PGAP6: variants seen among roughly 807,000 people sequenced by gnomAD.
The protein encoded by PGAP6 is post-GPI attachment to proteins 6.
Under a neutral mutation model 68.4 loss-of-function variants are expected in PGAP6, and 62 were observed. That is an observed-to-expected ratio of 0.91 (90% CI 0.74 to 1.12). The LOEUF (loss-of-function observed/expected upper bound fraction) is 1.12. Among genes scored for constraint, PGAP6 ranks in the 50% most tolerant of loss-of-function variants. The pLI is 0.00. For missense variants in PGAP6, 1,188 were observed against 1,068.5 expected (o/e 1.11, Z -1.56); for synonymous variants, 575 against 474.0 (o/e 1.21, Z -2.77).
At chr16:381,608 G>C in intron 1 of PGAP6, 93 bp downstream of exon 1, 2 of 1,021,094 alleles carry the variant, frequency 2.0e-6, no homozygotes, top group African/African-American at 1.7e-5. Context: ...GCCGGCGCCA[G>C]ATGAGCGCAC....
At chr16:376,049 G>A (rs1250778239) in intron 6 of PGAP6, 87 bp downstream of exon 6, 68 of 1,354,142 alleles carry the variant, frequency 5.0e-5, no homozygotes, top group Non-Finnish European at 6.5e-5. Flanking sequence ...CGCCTGTCCC[G>A]TGCCAAGGTA....
chr16:377,571 CCGGAA>C lies in PGAP6; in HGVS notation c.309_313del (p.Ser104ArgfsTer77). 5.1e-6 allele frequency: 8 copies of C among 1,578,506 alleles called. No individual in the cohort carries two copies. Among genetic ancestry groups the C allele is most frequent in the East Asian group, 2.3e-5 (1 of 43,092 alleles). ...CAGCGGGTTGATGACCGGAGGGGCG[CCGGAA>C]CGGAAGTGCCTGGAGACGGGAGAGC... is the stretch of plus-strand genomic sequence containing the variant. On this transcript the variant is annotated frameshift_variant, in exon 3 of 13. Coordinates refer to ENST00000431232, the MANE Select transcript of PGAP6 (RefSeq NM_021259.3). LOFTEE classifies it high-confidence loss of function.
upstream of PGAP6, among the ~76,000 whole-genome samples, chr16:385,436 C>G (rs552757311): frequency 8.7e-5 from 13 of 148,590 alleles, no homozygotes; most frequent in Non-Finnish European, 1.3e-4. Flanking sequence ...CTCAGCCTCC[C>G]GAGTTGCTGG....
Position 376,745 on chromosome 16 carries a change from G to A in PGAP6, c.703C>T (p.Leu235=), listed in dbSNP as rs1297421077. Residue 235 remains leucine (L), a synonymous_variant, in exon 5 of 13, where the codon CTG becomes TTG. Transcript: ENST00000431232. The part of the protein sequence containing the change: ...ELRDCVSNGS[L]GCPVRLTVGP... The stretch of plus-strand genomic sequence containing the variant: ...ACGGTGAGACGCACGGGGCAGCCCA[G>A]GCTCCCATTGGACACGCAGTCCCGC... 1 of 1,611,466 alleles carries A rather than the reference G, an allele frequency of 6.2e-7. No individual in the cohort carries two copies.
upstream of PGAP6, among the ~76,000 whole-genome samples, chr16:383,071 G>A (rs547392408): frequency 6.6e-6 from 1 of 152,104 alleles, no homozygotes; most frequent in Non-Finnish European, 1.5e-5. Context: ...AGCCGAGATC[G>A]CGCCACCGCA....
In PGAP6 at chr16:374,351, G is replaced by GC. The variant is rs763365058; in HGVS notation, c.1624dup (p.Ala542GlyfsTer174). ...CAGCAGTGTGGCCGCCCTCTGCTGG[G>GC]CCACCGTCTGGGCTGTGCTGTTGTC... On this transcript the variant is annotated frameshift_variant, in exon 10 of 13. Coordinates refer to ENST00000431232, the MANE Select transcript of PGAP6 (RefSeq NM_021259.3). LOFTEE classifies it high-confidence loss of function. 1.9e-6 allele frequency: 3 copies of GC among 1,601,380 alleles called. No homozygotes were observed. The Admixed American group carries it at 5.0e-5, about 27-fold the overall frequency.
intron 5 of PGAP6, 21 bp downstream of exon 5, chr16:376,520 CCCT>C: frequency 6.5e-7 from 1 of 1,540,588 alleles, no homozygotes; most frequent in Non-Finnish European, 8.8e-7. Flanking sequence ...GCAGGGCCAT[CCCT>C]CCAGCCCTTG....
intron 11 of PGAP6, among the ~76,000 whole-genome samples, 185 bp downstream of exon 11, chr16:373,820 G>T (rs2054354740): frequency 9.9e-6 from 1 of 101,254 alleles, no homozygotes; most frequent in African/African-American, 4.2e-5. Flanking sequence ...AGGCATTACA[G>T]GTGTGAGCCA....
At chr16:384,716 C>T (rs1050481676), upstream of PGAP6, among the ~76,000 whole-genome samples, 3 of 151,910 alleles carry the variant, frequency 2.0e-5, no homozygotes, top group Admixed American at 6.6e-5. Flanking sequence ...GTTAGCCGGG[C>T]GTGGTGGCAG....
chr16:377,951 C>A, intron 1 of PGAP6, 103 bp from the exon 2 acceptor site: 1 of 1,052,616 alleles, frequency 9.5e-7, no homozygotes, highest in Non-Finnish European at 1.4e-6. Context: ...CCCCCGGGGA[C>A]CCACCTGGAG....
At position 372,667 on chromosome 16, in the gene PGAP6, T is replaced by C; in HGVS notation, c.1963A>G (p.Met655Val). The C allele has an allele frequency of 1.9e-6, 3 of 1,612,526 alleles. No homozygotes were observed. Among genetic ancestry groups the C allele is most frequent in the Non-Finnish European group, 8.5e-7 (1 of 1,179,876 alleles). ...AGGCAGGGCCCCAGCATGTTCCACA[T>C]GCCCCTGCGGTCCAGCTGCAAGGAC... ...AMSLQLDRRG[M>V]WNMLGPCLFA... The change falls in exon 12 of 13, where the codon ATG (methionine) becomes GTG (valine). Residue 655 changes from methionine (M) to valine (V), a missense_variant. Physicochemically the swap from Met to Val is conservative, Grantham distance 21 (BLOSUM62 1). Transcript: ENST00000431232.
Position 375,406 on chromosome 16 carries a change from C to T in PGAP6, c.1254G>A (p.Val418=). 6.2e-7 allele frequency: 1 copy of T among 1,612,828 alleles called. No homozygotes were observed. The highest frequency in any genetic ancestry group is 8.5e-7 in the Non-Finnish European group (1 of 1,179,980). ...KTEMRNETVV[V]ACVNAASPFL... is the part of the protein sequence containing the mutation. ...AGGGCGAGGCAGCATTCACGCAGGC[C>T]ACTACGACGGTCTCGTTCCGCATCT... is the stretch of plus-strand genomic sequence containing the variant. The change falls in exon 7 of 13, where the codon GTG becomes GTA. Residue 418 remains valine, a synonymous_variant. Coordinates refer to ENST00000431232, the MANE Select transcript of PGAP6 (RefSeq NM_021259.3).
In PGAP6 at chr16:379,093, G is replaced by A. The variant is rs541675922; in HGVS notation, c.122-1245C>T. Among the ~76,000 whole-genome samples, 11 of 152,314 alleles carry A rather than the reference G, an allele frequency of 7.2e-5. No homozygotes were observed. In the South Asian group the frequency reaches 1.2e-3, roughly 17 times the overall value. On this transcript the variant is annotated intron_variant, in intron 1 of 12. Coordinates refer to ENST00000431232, the MANE Select transcript of PGAP6 (RefSeq NM_021259.3). Reference sequence around the variant, plus strand: ...CATCCCTTTGGGGGCCCCTCCCTCCGAGGTTAATTAACGACAAAGGCTTCA... The same window carrying A: ...CATCCCTTTGGGGGCCCCTCCCTCCAAGGTTAATTAACGACAAAGGCTTCA...
intron 6 of PGAP6, 59 bp from the exon 7 acceptor site, chr16:375,494 C>T (rs530987421): frequency 2.1e-6 from 3 of 1,433,358 alleles, no homozygotes; most frequent in East Asian, 4.5e-5. Context: ...GTGGGGTCAT[C>T]TGCCCCACGT....
chr16:372,278 G>T lies in PGAP6; in HGVS notation c.2025C>A (p.Tyr675Ter). 3 of 1,607,918 alleles carry T rather than the reference G, an allele frequency of 1.9e-6. No individual in the cohort carries two copies. Among genetic ancestry groups the T allele is most frequent in the Non-Finnish European group, 2.5e-6 (3 of 1,179,428 alleles). ...AFVIMASMWAYRCGHRRQCYP... is the reference protein window; with the variant it reads ...AFVIMASMWA The stretch of plus-strand genomic sequence containing the variant: ...AGCACTGGCGCCGGTGCCCGCAGCG[G>T]TAAGCCTGGAGAAAACAGCCACGCA... Residue 675 changes from tyrosine (Y) to a stop codon, truncating the protein, a stop_gained, in exon 13 of 13, where the codon TAC becomes TAA. Transcript: ENST00000431232. LOFTEE classifies it low-confidence loss of function (END_TRUNC).
intron 12 of PGAP6, 53 bp from the exon 13 acceptor site, chr16:372,336 T>G: frequency 6.5e-7 from 1 of 1,544,706 alleles, no homozygotes; most frequent in Non-Finnish European, 8.7e-7. Context: ...CGGCTGCAGC[T>G]CCCAGGGCCC....
At chr16:386,075 C>G (rs192039754), upstream of PGAP6, among the ~76,000 whole-genome samples, 128 of 152,282 alleles carry the variant, frequency 8.4e-4, no homozygotes, top group East Asian at 0.015. Context: ...CCCAGGTCCC[C>G]CTCTAGTGAG....
chr16:375,033 A>T (rs1417997251), intron 8 of PGAP6, 100 bp downstream of exon 8: 8 of 1,577,366 alleles, frequency 5.1e-6, no homozygotes, highest in Non-Finnish European at 6.9e-6. Flanking sequence ...GCACCCCTCT[A>T]GCTGGGTCAC....
chr16:377,589 G>C lies in PGAP6; in HGVS notation c.300-4C>G. 6.4e-7 allele frequency: 1 copy of C among 1,571,952 alleles called. No individual in the cohort carries two copies. ...AGGGGCGCCGGAACGGAAGTGCCTG[G>C]AGACGGGAGAGCAGCACCGGGTTCA... On this transcript the variant is annotated splice_polypyrimidine_tract_variant and splice_region_variant and intron_variant, in intron 2 of 12. Coordinates refer to ENST00000431232, the MANE Select transcript of PGAP6 (RefSeq NM_021259.3).
Sources: gnomAD v4.1 joint callset for allele counts (sites outside exome capture counted in the v4.1 genomes callset) on GRCh38, gnomAD v4.1.1 for gene constraint, MANE v1.5 for transcripts, NCBI Gene and HGNC (gene_info 2026-07-23, HGNC 2026-07-21) for gene names.